The following ARK2C variants were observed in gnomAD, a reference collection of about 807,000 sequenced individuals.
ARK2C encodes E3 ubiquitin-protein ligase ARK2C.
At chr18:46,398,701 T>C in the ARK2C span, among the ~76,000 whole-genome samples, 404 of 151,942 alleles carry the variant, frequency 2.7e-3, 5 homozygotes, top group African/African-American at 9.4e-3. Context: ...CCCCACAGGC[T>C]CTGTAAGACC....
chr18:46,396,626 G>A, the ARK2C span, among the ~76,000 whole-genome samples: 3 of 152,176 alleles, frequency 2.0e-5, no homozygotes, highest in Non-Finnish European at 4.4e-5. Flanking sequence ...ACTGTCCACT[G>A]AGCTCAGCCC....
the ARK2C span, among the ~76,000 whole-genome samples, chr18:46,366,779 C>T: frequency 6.6e-6 from 1 of 152,202 alleles, no homozygotes; most frequent in East Asian, 1.9e-4. Flanking sequence ...CATTCACATG[C>T]TCATTCATTT....
At chr18:46,428,345 A>C in the ARK2C span, among the ~76,000 whole-genome samples, 14 of 152,012 alleles carry the variant, frequency 9.2e-5, no homozygotes, top group Non-Finnish European at 1.9e-4. Context: ...GGAGGTGGAG[A>C]TTGCAGTGAG....
chr18:46,406,760 C>T, the ARK2C span, among the ~76,000 whole-genome samples: 1 of 152,238 alleles, frequency 6.6e-6, no homozygotes, highest in Non-Finnish European at 1.5e-5. Context: ...GGGCTATGGG[C>T]TGCTTCTGCT....
At chr18:46,442,557 T>C in the ARK2C span, among the ~76,000 whole-genome samples, 2 of 152,202 alleles carry the variant, frequency 1.3e-5, no homozygotes. Flanking sequence ...TTGAGACTTG[T>C]TTTATGGTCC....
chr18:46,388,688 A>T, the ARK2C span, among the ~76,000 whole-genome samples: 1 of 152,186 alleles, frequency 6.6e-6, no homozygotes, highest in African/African-American at 2.4e-5. Flanking sequence ...GGGGCTGGGC[A>T]TGGGTTTACT....
chr18:46,433,745 G>A, the ARK2C span, among the ~76,000 whole-genome samples: 12 of 152,252 alleles, frequency 7.9e-5, no homozygotes, highest in African/African-American at 2.7e-4. Context: ...GCACTGTCCT[G>A]ATCTGACAGG....
chr18:46,356,989 C>T, the ARK2C span, among the ~76,000 whole-genome samples: 1 of 152,200 alleles, frequency 6.6e-6, no homozygotes, highest in Non-Finnish European at 1.5e-5. Context: ...CTTTGTCCAA[C>T]TCCCACACCT....
chr18:46,429,171 A>C, the ARK2C span, among the ~76,000 whole-genome samples: 1 of 152,358 alleles, frequency 6.6e-6, no homozygotes, highest in East Asian at 1.9e-4. Flanking sequence ...GTGGGAATTA[A>C]AGTTCTAGAT....
chr18:46,378,884 G>C, the ARK2C span, among the ~76,000 whole-genome samples: 1 of 152,286 alleles, frequency 6.6e-6, no homozygotes, highest in South Asian at 2.1e-4. Context: ...CCCCGCTATG[G>C]TCCTGTCTAA....
chr18:46,448,975 G>A, the ARK2C span, among the ~76,000 whole-genome samples: 1 of 152,078 alleles, frequency 6.6e-6, no homozygotes, highest in Admixed American at 6.5e-5. Flanking sequence ...TGGAGTCCTT[G>A]TAAGCTTTGA....
At chr18:46,343,908 C>A in the ARK2C span, among the ~76,000 whole-genome samples, 1 of 152,224 alleles carries the variant, frequency 6.6e-6, no homozygotes, top group African/African-American at 2.4e-5. Flanking sequence ...GGCTCCTTGA[C>A]CCCGAGCTCA....
At chr18:46,414,927 G>A in the ARK2C span, among the ~76,000 whole-genome samples, 1 of 152,348 alleles carries the variant, frequency 6.6e-6, no homozygotes, top group African/African-American at 2.4e-5. Context: ...GGCTGCAGGA[G>A]GATGTGTGAG....
At chr18:46,438,478 G>T in the ARK2C span, among the ~76,000 whole-genome samples, 8 of 152,244 alleles carry the variant, frequency 5.3e-5, no homozygotes, top group Admixed American at 2.6e-4. Context: ...TCTGTTCCAA[G>T]TTCCTTGGGA....
chr18:46,433,118 G>T, the ARK2C span: 1 of 1,217,992 alleles, frequency 8.2e-7, no homozygotes, highest in Non-Finnish European at 1.1e-6. Flanking sequence ...GCTGCCCCGG[G>T]TGGGCACAAG....
At chr18:46,401,382 A>T in the ARK2C span, among the ~76,000 whole-genome samples, 27 of 152,216 alleles carry the variant, frequency 1.8e-4, no homozygotes, top group East Asian at 7.7e-4. Flanking sequence ...ATTTTTTCTT[A>T]TGCAATTTTT....
the ARK2C span, among the ~76,000 whole-genome samples, chr18:46,357,680 G>A: frequency 4.6e-5 from 7 of 152,342 alleles, 1 homozygote; most frequent in East Asian, 1.4e-3. Context: ...GCCTCCAGAT[G>A]CCTGGGAGTC....
At chr18:46,365,177 CTT>C in the ARK2C span, among the ~76,000 whole-genome samples, 1 of 152,190 alleles carries the variant, frequency 6.6e-6, no homozygotes, top group Non-Finnish European at 1.5e-5. Context: ...CTCTTTGGAA[CTT>C]AACCTGGCTG....
At chr18:46,387,397 G>T in the ARK2C span, among the ~76,000 whole-genome samples, 1 of 152,222 alleles carries the variant, frequency 6.6e-6, no homozygotes, top group East Asian at 1.9e-4. Context: ...TTTGGACAGT[G>T]CAGGCCTTTG....
Sources: gnomAD v4.1 joint callset for allele counts (sites outside exome capture counted in the v4.1 genomes callset) on GRCh38, gnomAD v4.1.1 for gene constraint, MANE v1.5 for transcripts, NCBI Gene and HGNC (gene_info 2026-07-23, HGNC 2026-07-21) for gene names.